TENM3: variants seen among roughly 807,000 people sequenced by gnomAD.
TENM3 encodes the protein teneurin transmembrane protein 3.
TENM3 carries 63 observed loss-of-function variants against 255.1 expected under a neutral mutation model. That is an observed-to-expected ratio of 0.25 (90% CI 0.20 to 0.30). The LOEUF (loss-of-function observed/expected upper bound fraction) is 0.30, where lower values mean the gene tolerates loss of function less well. TENM3 is among the 10% of genes least tolerant of loss of function. The probability of loss-of-function intolerance (pLI) is 1.00; values close to 1 mark genes in which losing one functional copy is unlikely to be tolerated. For synonymous variants in TENM3, 1,306 were observed against 1,322.3 expected (o/e 0.99, Z 0.27); for missense variants, 2,929 against 3,461.1 (o/e 0.85, Z 3.86).
chr4:182,700,751 T>G (rs555582176), intron 12 of TENM3, among the ~76,000 whole-genome samples: 22 of 152,194 alleles, frequency 1.4e-4, no homozygotes, highest in Non-Finnish European at 2.5e-4. Flanking sequence ...AGTAAATAAT[T>G]ATGTTGGTGG....
At chr4:181,908,458 A>G in the TENM3 span, among the ~76,000 whole-genome samples, 5 of 152,190 alleles carry the variant, frequency 3.3e-5, no homozygotes, top group African/African-American at 9.6e-5. Flanking sequence ...TTAATTTTAA[A>G]ATATTTAAAG....
chr4:182,463,080 G>A (rs1206595660), intron 3 of TENM3, among the ~76,000 whole-genome samples: 2 of 151,970 alleles, frequency 1.3e-5, no homozygotes, highest in Non-Finnish European at 2.9e-5. Context: ...TTTGATCTGC[G>A]TTTGGTTGAA....
chr4:181,453,813 G>T, the TENM3 span, among the ~76,000 whole-genome samples: 1 of 152,062 alleles, frequency 6.6e-6, no homozygotes, highest in African/African-American at 2.4e-5. Context: ...AGGTCTTCAG[G>T]AACTCCCCTT....
the TENM3 span, among the ~76,000 whole-genome samples, chr4:181,957,836 G>T: frequency 1.3e-5 from 2 of 152,224 alleles, no homozygotes; most frequent in African/African-American, 2.4e-5. Flanking sequence ...GTGGCTCAGC[G>T]CACTAAATGT....
chr4:181,992,692 A>C, the TENM3 span, among the ~76,000 whole-genome samples: 1 of 152,126 alleles, frequency 6.6e-6, no homozygotes, highest in Admixed American at 6.6e-5. Flanking sequence ...ACAAATGGGG[A>C]GGCAATGGCT....
Position 182,664,728 on chromosome 4 carries a change from A to T in TENM3, c.1112-8277A>T, listed in dbSNP as rs1754510670. 1.3e-5 allele frequency among the ~76,000 whole-genome samples: 2 copies of T among 152,182 alleles called. 1 individual carries two copies. Among genetic ancestry groups the T allele is most frequent in the South Asian group, 4.1e-4 (2 of 4,824 alleles). Reference sequence around the variant, plus strand: ...GGAAAGCAAAACAGCCTTATTACTGATAAGGAGAACATTTGAGTGGCCTGG... The same window carrying T: ...GGAAAGCAAAACAGCCTTATTACTGTTAAGGAGAACATTTGAGTGGCCTGG... On this transcript the variant is annotated intron_variant, in intron 6 of 27. Coordinates refer to ENST00000511685, the MANE Select transcript of TENM3 (RefSeq NM_001080477.4).
chr4:182,739,907 G>A (rs1208224031), intron 18 of TENM3, among the ~76,000 whole-genome samples: 4 of 152,080 alleles, frequency 2.6e-5, no homozygotes, highest in Non-Finnish European at 4.4e-5. Context: ...GTGGTGATAC[G>A]CACCTGTAGT....
chr4:181,522,826 C>A, the TENM3 span: 1 of 914,812 alleles, frequency 1.1e-6, no homozygotes, highest in Non-Finnish European at 1.8e-6. Flanking sequence ...GATAGAAATG[C>A]ACCTGAATTT....
At chr4:182,561,696 G>A (rs1003975423) in intron 3 of TENM3, among the ~76,000 whole-genome samples, 1 of 152,000 alleles carries the variant, frequency 6.6e-6, no homozygotes, top group Non-Finnish European at 1.5e-5. Flanking sequence ...AATGGATCCT[G>A]TAGAATTCTA....
the TENM3 span, among the ~76,000 whole-genome samples, chr4:181,479,549 G>T: frequency 6.6e-6 from 1 of 151,964 alleles, no homozygotes; most frequent in Non-Finnish European, 1.5e-5. Context: ...TTGGAAAAAT[G>T]GTCCTGTACT....
chr4:182,769,323 C>T (rs1254337172), intron 22 of TENM3, among the ~76,000 whole-genome samples: 1 of 151,986 alleles, frequency 6.6e-6, no homozygotes, highest in Non-Finnish European at 1.5e-5. Flanking sequence ...CTCCCTTAGT[C>T]AGAGTCCCCG....
chr4:182,075,242 A>G, the TENM3 span, among the ~76,000 whole-genome samples: 2 of 133,290 alleles, frequency 1.5e-5, no homozygotes, highest in African/African-American at 5.9e-5. Flanking sequence ...TCTGCCGCCC[A>G]GGCTGGAGTG....
the TENM3 span, among the ~76,000 whole-genome samples, chr4:181,464,297 A>G: frequency 6.6e-6 from 1 of 152,200 alleles, no homozygotes; most frequent in Non-Finnish European, 1.5e-5. Flanking sequence ...ATGTCTTCAT[A>G]TCCTCACTAA....
intron 3 of TENM3, among the ~76,000 whole-genome samples, chr4:182,435,723 T>G (rs925468540): frequency 4.6e-5 from 7 of 152,208 alleles, no homozygotes; most frequent in Non-Finnish European, 8.8e-5. Context: ...AAGAATTAAT[T>G]TAAGAATTTT....
At chr4:182,062,002 G>T in the TENM3 span, among the ~76,000 whole-genome samples, 1 of 152,082 alleles carries the variant, frequency 6.6e-6, no homozygotes, top group Non-Finnish European at 1.5e-5. Flanking sequence ...TATTTGCATT[G>T]TTGGAGCTTT....
At chr4:181,857,060 A>G in the TENM3 span, among the ~76,000 whole-genome samples, 2 of 152,216 alleles carry the variant, frequency 1.3e-5, no homozygotes, top group South Asian at 2.1e-4. Flanking sequence ...CATGGTGTTT[A>G]CTTCTAATGG....
In TENM3 at chr4:182,649,308, C is replaced by CA. The variant is rs539408856; in HGVS notation, c.989-4456dup. ...GGGGCAAATATAATCATTCTTTCTA[C>CA]AAAAAAAGAAGATAATGGACTTCAA... is the stretch of plus-strand genomic sequence containing the variant. On this transcript the variant is annotated intron_variant, in intron 5 of 27. Transcript: ENST00000511685. Among the ~76,000 whole-genome samples, 10 of 150,280 alleles carry CA rather than the reference C, an allele frequency of 6.7e-5. 1 individual carries two copies. In the East Asian group the frequency reaches 1.6e-3, roughly 24 times the overall value.
the TENM3 span, among the ~76,000 whole-genome samples, chr4:182,022,183 A>AAT: frequency 0.013 from 1,943 of 152,220 alleles, 33 homozygotes; most frequent in African/African-American, 0.032. Flanking sequence ...AAAAAAAAAA[A>AAT]ATGTGGTACA....
chr4:181,654,143 C>T, the TENM3 span, among the ~76,000 whole-genome samples: 1 of 151,426 alleles, frequency 6.6e-6, no homozygotes. Flanking sequence ...TTCTTACATA[C>T]TACTCCCCAA....
Sources: allele counts gnomAD v4.1 joint callset (sites outside exome capture counted in the v4.1 genomes callset), GRCh38; gene constraint gnomAD v4.1.1; transcripts MANE v1.5; gene names NCBI Gene and HGNC (gene_info 2026-07-23, HGNC 2026-07-21).